TDRP: variants seen among roughly 807,000 people sequenced by gnomAD.
TDRP encodes testis development-related protein.
A neutral mutation model predicts 10.5 loss-of-function variants in TDRP; 12 were observed. The observed-to-expected ratio is 1.15, with a 90% CI of 0.73 to 1.86. The LOEUF is 1.86. Ranked by LOEUF, TDRP falls within the 40% of genes most tolerant of loss-of-function variation. The pLI is 0.00. For missense variants in TDRP, 353 were observed against 229.2 expected, an observed-to-expected ratio of 1.54 and a Z score of -3.49; for synonymous variants, 139 against 95.4, an observed-to-expected ratio of 1.46 and a Z score of -2.67.
chr8:525,866 G>C (rs1037677881), intron 1 of TDRP, among the ~76,000 whole-genome samples: 4 of 152,128 alleles, frequency 2.6e-5, no homozygotes, highest in Non-Finnish European at 5.9e-5. Flanking sequence ...CAATCAGTTT[G>C]AGTACAATTG....
chr8:506,177 C>T (rs1208393342), intron 1 of TDRP, among the ~76,000 whole-genome samples: 1 of 152,152 alleles, frequency 6.6e-6, no homozygotes, highest in African/African-American at 2.4e-5. Flanking sequence ...ATTATTTAAA[C>T]AACAAAAAAC....
intron 1 of TDRP, among the ~76,000 whole-genome samples, chr8:506,646 G>T (rs374755815): frequency 1.1e-4 from 16 of 152,236 alleles, no homozygotes; most frequent in South Asian, 6.2e-4. Context: ...TCCCCACTAC[G>T]GCAAATGCTC....
intron 1 of TDRP, among the ~76,000 whole-genome samples, chr8:496,214 A>G (rs550793208): frequency 1.3e-5 from 2 of 152,306 alleles, no homozygotes; most frequent in South Asian, 4.1e-4. Flanking sequence ...CACACAACCC[A>G]TGTCATGCTG....
Position 491,456 on chromosome 8 carries a change from CCGG to C in TDRP, c.*940_*942del, listed in dbSNP as rs1800970407. 3 of 650,098 alleles carry C rather than the reference CCGG, an allele frequency of 4.6e-6. No individual in the cohort carries two copies. Among genetic ancestry groups the C allele is most frequent in the Non-Finnish European group, 7.1e-6 (3 of 421,818 alleles). 40.3% of individuals were successfully genotyped at this position (650,098 alleles called of 1,614,324 possible). ...AAAGAACGCGAGAGATGCTCTCAAA[CCGG>C]TCGTCGATTATTCTTGTGGAAAAAA... is the stretch of plus-strand genomic sequence containing the variant. On this transcript the variant is annotated 3_prime_UTR_variant, in exon 3 of 3. Transcript: ENST00000324079.
intron 1 of TDRP, among the ~76,000 whole-genome samples, chr8:533,525 C>T (rs958699131): frequency 3.3e-5 from 5 of 152,210 alleles, no homozygotes; most frequent in African/African-American, 9.6e-5. Context: ...AACTCAGGTT[C>T]TCATTTCACA....
chr8:492,780 A>C, intron 2 of TDRP, 36 bp from the exon 3 acceptor site: 1 of 1,482,172 alleles, frequency 6.7e-7, no homozygotes, highest in Non-Finnish European at 9.2e-7. Context: ...TTGGTGACCC[A>C]GGTCTTAGGG....
chr8:533,611 C>T (rs1045971030), intron 1 of TDRP, among the ~76,000 whole-genome samples: 1 of 152,166 alleles, frequency 6.6e-6, no homozygotes, highest in African/African-American at 2.4e-5. Context: ...AACAGGTAGT[C>T]TTTGCAAAAT....
intron 1 of TDRP, among the ~76,000 whole-genome samples, chr8:526,610 T>C (rs1233125049): frequency 6.6e-6 from 1 of 152,214 alleles, no homozygotes; most frequent in South Asian, 2.1e-4. Flanking sequence ...TTTGCCAGTA[T>C]TTAATTGAGA....
At chr8:524,081 G>C (rs1393202841) in intron 1 of TDRP, among the ~76,000 whole-genome samples, 1 of 152,200 alleles carries the variant, frequency 6.6e-6, no homozygotes, top group Non-Finnish European at 1.5e-5. Context: ...CCCTCTCCCA[G>C]TTCCCAGCAG....
At chr8:538,424 G>A (rs1190752420) in intron 1 of TDRP, among the ~76,000 whole-genome samples, 1 of 152,174 alleles carries the variant, frequency 6.6e-6, no homozygotes, top group Non-Finnish European at 1.5e-5. Context: ...CTCCTCCTTT[G>A]TGCCCATGTG....
chr8:525,758 G>C (rs1377619270), intron 1 of TDRP, among the ~76,000 whole-genome samples: 3 of 152,164 alleles, frequency 2.0e-5, no homozygotes, highest in African/African-American at 4.8e-5. Context: ...AGGAAGGAAA[G>C]AAGAAAAGAC....
chr8:535,230 C>G (rs994869118), intron 1 of TDRP, among the ~76,000 whole-genome samples: 20 of 152,304 alleles, frequency 1.3e-4, no homozygotes, highest in Admixed American at 3.3e-4. Flanking sequence ...GCTGTCCACA[C>G]ACTCGCCTGG....
chr8:541,322 A>G (rs1189959786), intron 1 of TDRP, among the ~76,000 whole-genome samples: 2 of 152,236 alleles, frequency 1.3e-5, no homozygotes, highest in Admixed American at 1.3e-4. Context: ...AAAATTCACA[A>G]CTAGCACATA....
intron 1 of TDRP, among the ~76,000 whole-genome samples, chr8:509,443 G>A (rs759828605): frequency 6.6e-6 from 1 of 152,182 alleles, no homozygotes; most frequent in African/African-American, 2.4e-5. Flanking sequence ...CTTGACTTCG[G>A]TGCAGTCGTA....
At chr8:508,668 G>A (rs1460940749) in intron 1 of TDRP, among the ~76,000 whole-genome samples, 1 of 152,052 alleles carries the variant, frequency 6.6e-6, no homozygotes, top group African/African-American at 2.4e-5. Flanking sequence ...ATGAGATTTG[G>A]GTGGGGACAC....
intron 1 of TDRP, among the ~76,000 whole-genome samples, chr8:497,843 C>A (rs1009374667): frequency 3.3e-5 from 5 of 152,156 alleles, no homozygotes; most frequent in African/African-American, 1.2e-4. Flanking sequence ...GTGTCCCAGC[C>A]GCTCCACCTC....
At chr8:542,515 T>C (rs1802523435) in intron 1 of TDRP, among the ~76,000 whole-genome samples, 1 of 152,058 alleles carries the variant, frequency 6.6e-6, no homozygotes, top group African/African-American at 2.4e-5. Flanking sequence ...ACTGGATACC[T>C]GAAAAATAGA....
chr8:493,351 G>C (rs950546678), intron 2 of TDRP, among the ~76,000 whole-genome samples: 17 of 152,242 alleles, frequency 1.1e-4, no homozygotes, highest in Non-Finnish European at 1.9e-4. Flanking sequence ...CCTTCCAGAT[G>C]CTGATGTATT....
intron 1 of TDRP, among the ~76,000 whole-genome samples, chr8:524,002 G>C (rs55785048): frequency 0.13 from 19,916 of 152,230 alleles, 1,460 homozygotes; most frequent in South Asian, 0.23. Flanking sequence ...GCGAGATCCA[G>C]AGCTGTCCTA....
Sources: gnomAD v4.1 joint callset for allele counts (sites outside exome capture counted in the v4.1 genomes callset) on GRCh38, gnomAD v4.1.1 for gene constraint, MANE v1.5 for transcripts, NCBI Gene and HGNC (gene_info 2026-07-23, HGNC 2026-07-21) for gene names.